The following TCAIM variants were observed in gnomAD, a reference collection of about 807,000 sequenced individuals.
TCAIM encodes the protein T-cell activation inhibitor, mitochondrial.
TCAIM carries 36 observed loss-of-function variants against 58.6 expected under a neutral mutation model. The observed-to-expected ratio is 0.61, with a 90% CI of 0.47 to 0.81. The LOEUF is 0.81. Ranked by LOEUF, TCAIM falls within the 30% of genes least tolerant of loss-of-function variation. TCAIM has a pLI of 0.00. For missense variants in TCAIM, 466 were observed against 579.6 expected (o/e 0.80, Z 2.01); for synonymous variants, 172 against 193.6 (o/e 0.89, Z 0.93).
In TCAIM at chr3:44,341,239, C is replaced by T. The variant is rs1443608243; in HGVS notation, c.-45+2405C>T. 5.9e-5 allele frequency: 9 copies of T among 152,220 alleles called. No individual in the cohort carries two copies. The East Asian group carries it at 1.7e-3, about 29-fold the overall frequency. The allele number at this position is 152,220 out of a possible 1,614,324, so 9.4% of individuals were successfully genotyped here. A position where few individuals can be genotyped will look rare whatever the true frequency, so the allele number is the denominator to read the frequency against. ...TTGCTCTCTCATTGTTTCTCCATGACCCAGAACACTGTCTTTAAAAAGTCA... is the reference window on the plus strand; with the variant it reads ...TTGCTCTCTCATTGTTTCTCCATGATCCAGAACACTGTCTTTAAAAAGTCA... On this transcript the variant is annotated intron_variant, in intron 1 of 10. Coordinates refer to ENST00000342649, the MANE Select transcript of TCAIM (RefSeq NM_173826.4).
At chr3:44,339,251 T>A (rs1700803347) in intron 1 of TCAIM, among the ~76,000 whole-genome samples, 1 of 152,194 alleles carries the variant, frequency 6.6e-6, no homozygotes. Context: ...CTTTTGTCCC[T>A]CCTTGATATA....
intron 10 of TCAIM, among the ~76,000 whole-genome samples, chr3:44,406,802 T>C (rs1702108598): frequency 6.6e-6 from 1 of 152,188 alleles, no homozygotes; most frequent in African/African-American, 2.4e-5. Context: ...AATCCACTTA[T>C]CAAAACACTG....
rs116399776 is a variant in TCAIM, at chr3:44,405,345, G to A, written c.1251-2097G>A. On this transcript the variant is annotated intron_variant, in intron 10 of 10. Coordinates refer to ENST00000342649, the MANE Select transcript of TCAIM (RefSeq NM_173826.4). ...TCAAAATGTACAGTAATAGAAGAGT[G>A]TTTAAGTAGTTCTGATACTTGCATG... 8.9e-3 allele frequency among the ~76,000 whole-genome samples: 1,353 copies of A among 152,296 alleles called. 20 individuals carry two copies. The highest frequency in any genetic ancestry group is 0.031 in the African/African-American group (1,305 of 41,552).
chr3:44,394,154 A>G (rs535080447), intron 6 of TCAIM, among the ~76,000 whole-genome samples: 1 of 152,312 alleles, frequency 6.6e-6, no homozygotes, highest in South Asian at 2.1e-4. Context: ...TACCATAAAA[A>G]CACCTTTTTT....
intron 5 of TCAIM, among the ~76,000 whole-genome samples, chr3:44,378,482 C>T (rs1166695697): frequency 6.6e-6 from 1 of 151,808 alleles, no homozygotes; most frequent in Non-Finnish European, 1.5e-5. Flanking sequence ...GATGTACATG[C>T]AGCCAACAGG....
At position 44,354,915 on chromosome 3, in the gene TCAIM, T is replaced by C. The variant is rs111250310; in HGVS notation, c.29+104T>C. The C allele has an allele frequency of 5.2e-4, 701 of 1,343,828 alleles. 5 individuals carry two copies. In the African/African-American group the frequency reaches 9.2e-3, roughly 18 times the overall value. The allele number at this position is 1,343,828 out of a possible 1,614,324, so 83.2% of individuals were successfully genotyped here. On this transcript the variant is annotated intron_variant, in intron 2 of 10. Coordinates refer to ENST00000342649, the MANE Select transcript of TCAIM (RefSeq NM_173826.4). ...TATTATTTTTCCAATTCTGAAGTTA[T>C]ATTATGGTGGAAAGCTGGAACAAAA...
At chr3:44,364,852 A>T (rs1297142284) in intron 4 of TCAIM, among the ~76,000 whole-genome samples, 1 of 152,122 alleles carries the variant, frequency 6.6e-6, no homozygotes, top group African/African-American at 2.4e-5. Context: ...GGTAATACCC[A>T]TAAATGGTAA....
chr3:44,394,614 G>A lies in TCAIM; in HGVS notation c.695+1637G>A, dbSNP rs199925584. The stretch of plus-strand genomic sequence containing the variant: ...TGGTAAATGTCAATAGATATAACCC[G>A]GCCGGGTATGGTGGCTCACACCTGT... On this transcript the variant is annotated intron_variant, in intron 6 of 10. Coordinates refer to ENST00000342649, the MANE Select transcript of TCAIM (RefSeq NM_173826.4). 7.9e-5 allele frequency among the ~76,000 whole-genome samples: 12 copies of A among 151,552 alleles called. No homozygotes were observed. In the East Asian group the frequency reaches 1.5e-3, roughly 20 times the overall value.
intron 4 of TCAIM, chr3:44,363,071 C>T (rs534270557): frequency 1.2e-4 from 18 of 152,268 alleles, no homozygotes; most frequent in Admixed American, 2.0e-4. Context: ...TTGAAAGAGT[C>T]GAGCTCGTTC....
At position 44,396,743 on chromosome 3, in the gene TCAIM, G is replaced by C. The variant is rs1701941264; in HGVS notation, c.794G>C (p.Gly265Ala). 6.2e-6 allele frequency: 10 copies of C among 1,613,544 alleles called. No individual in the cohort carries two copies. The East Asian group carries it at 2.2e-4, about 36-fold the overall frequency. Reference protein sequence around the residue: ...QNLETLKKAKGCTIIFTDRSG... With the variant: ...QNLETLKKAKACTIIFTDRSG... ...CAAAGGTTTTGTGTTTTGTCATCAG[G>C]GTGTACAATCATATTTACAGACCGT... is the stretch of plus-strand genomic sequence containing the variant. The change falls in exon 8 of 11, where the codon GGG (glycine) becomes GCG (alanine). Residue 265 changes from glycine to alanine, a missense_variant and splice_region_variant. Gly to Ala is a moderately conservative substitution (Grantham distance 60). Coordinates refer to ENST00000342649, the MANE Select transcript of TCAIM (RefSeq NM_173826.4).
intron 5 of TCAIM, among the ~76,000 whole-genome samples, chr3:44,379,654 T>C (rs1442412053): frequency 2.0e-5 from 3 of 152,044 alleles, no homozygotes; most frequent in African/African-American, 4.8e-5. Flanking sequence ...TCCTCACTTA[T>C]AAGTGGGAAC....
chr3:44,358,976 GAAA>G (rs1430726130), intron 3 of TCAIM: 1 of 984,996 alleles, frequency 1.0e-6, no homozygotes, highest in African/African-American at 1.7e-5. Context: ...TGAATCAACA[GAAA>G]AATATTCATT....
At chr3:44,370,606 CT>C (rs1701449472) in intron 5 of TCAIM, among the ~76,000 whole-genome samples, 1 of 150,402 alleles carries the variant, frequency 6.6e-6, no homozygotes. Context: ...TAGAGCCTTT[CT>C]TTTTTTAGCT....
chr3:44,378,287 C>T (rs1701598166), intron 5 of TCAIM, among the ~76,000 whole-genome samples: 1 of 151,012 alleles, frequency 6.6e-6, no homozygotes, highest in Non-Finnish European at 1.5e-5. Flanking sequence ...GGCTGAGGCA[C>T]AAGAATCACT....
chr3:44,405,139 A>G (rs1298649293), intron 10 of TCAIM, among the ~76,000 whole-genome samples: 1 of 152,124 alleles, frequency 6.6e-6, no homozygotes, highest in Non-Finnish European at 1.5e-5. Context: ...GTGATAACCT[A>G]GTTCACAGTT....
At chr3:44,343,757 C>T (rs1234551828) in intron 1 of TCAIM, among the ~76,000 whole-genome samples, 1 of 152,124 alleles carries the variant, frequency 6.6e-6, no homozygotes, top group Non-Finnish European at 1.5e-5. Context: ...AATTCTCAAC[C>T]TGTCATTTTT....
chr3:44,405,983 G>T (rs905163701), intron 10 of TCAIM, among the ~76,000 whole-genome samples: 8 of 150,926 alleles, frequency 5.3e-5, no homozygotes, highest in Non-Finnish European at 1.0e-4. Context: ...TTAATCTCAT[G>T]CTGACTGCAG....
intron 1 of TCAIM, among the ~76,000 whole-genome samples, chr3:44,350,602 G>A (rs796210652): frequency 1.1e-4 from 17 of 151,836 alleles, no homozygotes; most frequent in African/African-American, 3.9e-4. Context: ...CTACTTTTTT[G>A]TTTTTTAGAG....
chr3:44,354,749 A>G lies in TCAIM; in HGVS notation c.-34A>G, dbSNP rs371893767. On this transcript the variant is annotated 5_prime_UTR_variant, in exon 2 of 11. The change abolishes an upstream ATG in the 5' untranslated region. Coordinates refer to ENST00000342649, the MANE Select transcript of TCAIM (RefSeq NM_173826.4). The stretch of plus-strand genomic sequence containing the variant: ...TGCTTAACTTTTAAGCAATTAATGG[A>G]TGCCTCGAAGTTGACGTACATATAT... 4 of 1,599,474 alleles carry G rather than the reference A, an allele frequency of 2.5e-6. No homozygotes were observed. The highest frequency in any genetic ancestry group is 3.4e-6 in the Non-Finnish European group (4 of 1,176,162).
Sources: allele counts gnomAD v4.1 joint callset (sites outside exome capture counted in the v4.1 genomes callset), GRCh38; gene constraint gnomAD v4.1.1; transcripts MANE v1.5; gene names NCBI Gene and HGNC (gene_info 2026-07-23, HGNC 2026-07-21).